Variants in GPAT4 observed in about 807,000 individuals in gnomAD.
GPAT4 encodes glycerol-3-phosphate acyltransferase 4.
Under a neutral mutation model 58.0 loss-of-function variants are expected in GPAT4, and 17 were observed. That is an observed-to-expected ratio of 0.29 (90% CI 0.20 to 0.44). GPAT4 has a LOEUF of 0.44. Among genes scored for constraint, GPAT4 ranks in the 20% least tolerant of loss-of-function variants. GPAT4 has a pLI of 1.00. For synonymous variants in GPAT4, 204 were observed against 210.1 expected (o/e 0.97, Z 0.25); for missense variants, 377 against 574.5 (o/e 0.66, Z 3.51).
In GPAT4 at chr8:41,610,720, TTTC is replaced by T. The variant is rs1432878532; in HGVS notation, c.537-7_537-5del. The T allele has an allele frequency of 3.1e-6, 5 of 1,601,024 alleles. No individual in the cohort carries two copies. Among genetic ancestry groups the T allele is most frequent in the Non-Finnish European group, 3.4e-6 (4 of 1,173,532 alleles). ...ATGATTTGCTGGCTGTGCTCTAACT[TTTC>T]TTCTTCTTACAGGATAGCACTGGCT... is the stretch of plus-strand genomic sequence containing the variant. On this transcript the variant is annotated splice_polypyrimidine_tract_variant and intron_variant, in intron 4 of 12. Coordinates refer to ENST00000396987, the MANE Select transcript of GPAT4 (RefSeq NM_178819.4).
chr8:41,592,818 G>A (rs914715696), intron 1 of GPAT4, among the ~76,000 whole-genome samples: 5 of 152,098 alleles, frequency 3.3e-5, no homozygotes, highest in Admixed American at 3.3e-4. Context: ...CAGCCCCATC[G>A]ATTCCTAAGG....
chr8:41,588,224 G>C (rs1802703886), intron 1 of GPAT4, among the ~76,000 whole-genome samples: 1 of 152,174 alleles, frequency 6.6e-6, no homozygotes, highest in South Asian at 2.1e-4. Context: ...ATTCTTTTGT[G>C]ATCTAAGCAT....
intron 12 of GPAT4, 73 bp from the exon 13 acceptor site, chr8:41,620,817 ATGG>A (rs1803726368): frequency 5.9e-6 from 9 of 1,534,246 alleles, no homozygotes; most frequent in Non-Finnish European, 7.9e-6. Context: ...TTTGGGCAGC[ATGG>A]TGCATCTCCC....
intron 1 of GPAT4, among the ~76,000 whole-genome samples, chr8:41,587,051 C>G (rs1197053658): frequency 6.6e-6 from 1 of 152,216 alleles, no homozygotes; most frequent in Non-Finnish European, 1.5e-5. Context: ...GTGGCTCATG[C>G]CCCTGCCATC....
chr8:41,589,158 C>T (rs1802727408), intron 1 of GPAT4, among the ~76,000 whole-genome samples: 2 of 152,208 alleles, frequency 1.3e-5, no homozygotes, highest in Non-Finnish European at 2.9e-5. Flanking sequence ...GGACCTTAAG[C>T]CACCAGTTAC....
intron 10 of GPAT4, among the ~76,000 whole-genome samples, chr8:41,617,921 T>G (rs1276810198): frequency 6.6e-6 from 1 of 152,260 alleles, no homozygotes; most frequent in Non-Finnish European, 1.5e-5. Flanking sequence ...CGCAACTTCC[T>G]CTAGAGCTTA....
rs2150492200 is a variant in GPAT4 at position 41,599,066 on chromosome 8, G to A, written c.-74G>A. On this transcript the variant is annotated 5_prime_UTR_variant, in exon 2 of 13. Coordinates refer to ENST00000396987, the MANE Select transcript of GPAT4 (RefSeq NM_178819.4). ...TTGCTTCCTTTCCCTGGCTGGTGCT[G>A]TCAGGAAGGACCATCTGAAGGCTGC... The A allele has an allele frequency of 1.3e-6, 2 of 1,536,286 alleles. No homozygotes were observed. Among genetic ancestry groups the A allele is most frequent in the African/African-American group, 1.4e-5 (1 of 71,616 alleles).
At chr8:41,587,749 C>A (rs552366415) in intron 1 of GPAT4, among the ~76,000 whole-genome samples, 13 of 152,300 alleles carry the variant, frequency 8.5e-5, no homozygotes, top group Non-Finnish European at 1.8e-4. Flanking sequence ...TGGTTGGGAA[C>A]CACTGGTCCG....
intron 2 of GPAT4, among the ~76,000 whole-genome samples, chr8:41,601,923 T>A (rs927224359): frequency 2.6e-5 from 4 of 151,672 alleles, no homozygotes; most frequent in African/African-American, 9.7e-5. Flanking sequence ...TGAAGCCACA[T>A]CTTGAAAATT....
intron 1 of GPAT4, among the ~76,000 whole-genome samples, chr8:41,580,790 C>A (rs1802489771): frequency 6.6e-6 from 1 of 152,116 alleles, no homozygotes; most frequent in African/African-American, 2.4e-5. Flanking sequence ...TAAATCATTA[C>A]CCCTAAAGAT....
At chr8:41,595,090 G>A (rs1802892425) in intron 1 of GPAT4, among the ~76,000 whole-genome samples, 1 of 150,916 alleles carries the variant, frequency 6.6e-6, no homozygotes. Flanking sequence ...TGTAAGTTTG[G>A]GATTTTAATT....
rs1483839246 is a variant in GPAT4, at chr8:41,609,515, G to T, written c.235+30G>T. 3 of 1,612,340 alleles carry T rather than the reference G, an allele frequency of 1.9e-6. No individual in the cohort carries two copies. The East Asian group carries it at 6.7e-5, about 36-fold the overall frequency. ...GATGGGGGTGTGATCCTTGTCCTGAGAGGTCCATTTGAACAGTGTTCCCCA... is the reference window on the plus strand; with the variant it reads ...GATGGGGGTGTGATCCTTGTCCTGATAGGTCCATTTGAACAGTGTTCCCCA... On this transcript the variant is annotated intron_variant, in intron 3 of 12. Coordinates refer to ENST00000396987, the MANE Select transcript of GPAT4 (RefSeq NM_178819.4).
At chr8:41,618,537 A>T in intron 10 of GPAT4, 147 bp from the exon 11 acceptor site, 1 of 983,402 alleles carries the variant, frequency 1.0e-6, no homozygotes, top group African/African-American at 1.6e-5. Context: ...CCACATGGAG[A>T]GGGGCTTCCA....
chr8:41,600,481 G>C (rs911959285), intron 2 of GPAT4, among the ~76,000 whole-genome samples: 2 of 152,064 alleles, frequency 1.3e-5, no homozygotes, highest in Non-Finnish European at 2.9e-5. Flanking sequence ...CTCAGATTAA[G>C]TGAGCTATGT....
intron 10 of GPAT4, among the ~76,000 whole-genome samples, chr8:41,615,459 G>A (rs1029422331): frequency 6.6e-6 from 1 of 151,400 alleles, no homozygotes; most frequent in South Asian, 2.1e-4. Context: ...ATTGGGGGGG[G>A]GGTCATTACT....
intron 12 of GPAT4, 133 bp from the exon 13 acceptor site, chr8:41,620,760 G>T (rs1803724509): frequency 7.0e-7 from 1 of 1,429,216 alleles, no homozygotes; most frequent in Non-Finnish European, 9.3e-7. Context: ...GGTTGTCTTG[G>T]TGAGAGTGCC....
intron 12 of GPAT4, chr8:41,619,331 A>G (rs550033066): frequency 2.5e-4 from 76 of 303,158 alleles, no homozygotes; most frequent in Admixed American, 1.2e-3. Flanking sequence ...TATCTGGCAA[A>G]ATTGAACCAT....
At chr8:41,610,937 C>A (rs1803423542) in intron 5 of GPAT4, 127 bp downstream of exon 5, 8 of 952,272 alleles carry the variant, frequency 8.4e-6, no homozygotes, top group Non-Finnish European at 1.0e-5. Context: ...ATTAAATAAC[C>A]CAGTGGTGGC....
intron 1 of GPAT4, among the ~76,000 whole-genome samples, chr8:41,588,780 T>C (rs544728296): frequency 6.6e-6 from 1 of 152,296 alleles, no homozygotes; most frequent in East Asian, 1.9e-4. Context: ...AGATTTGCCA[T>C]TCCATGGGTT....
Sources: allele counts gnomAD v4.1 joint callset (sites outside exome capture counted in the v4.1 genomes callset), GRCh38; gene constraint gnomAD v4.1.1; transcripts MANE v1.5; gene names NCBI Gene and HGNC (gene_info 2026-07-23, HGNC 2026-07-21).